Variants in PCDHA9 observed in about 807,000 individuals in gnomAD.
The protein encoded by PCDHA9 is protocadherin alpha 9.
A neutral mutation model predicts 62.0 loss-of-function variants in PCDHA9; 62 were observed. That is an observed-to-expected ratio of 1.00 (90% CI 0.81 to 1.23). PCDHA9 has a LOEUF of 1.23. Among genes scored for constraint, PCDHA9 ranks in the 50% most tolerant of loss-of-function variants. The pLI is 0.00. For synonymous variants in PCDHA9, 557 were observed against 567.6 expected (o/e 0.98, Z 0.27); for missense variants, 1,205 against 1,249.8 (o/e 0.96, Z 0.54).
At chr5:140,876,473 G>C in intron 1 of PCDHA9, 7 of 1,614,038 alleles carry the variant, frequency 4.3e-6, no homozygotes, top group African/African-American at 2.7e-5. Flanking sequence ...GCAGGTCACA[G>C]CATGGTCCTG....
chr5:140,950,820 AG>A (rs1429119954), intron 1 of PCDHA9, among the ~76,000 whole-genome samples: 2 of 152,088 alleles, frequency 1.3e-5, no homozygotes, highest in Non-Finnish European at 2.9e-5. Context: ...GTAGGGTTAA[AG>A]TTTGGTCCTT....
At chr5:140,862,592 A>T (rs1554156626) in intron 1 of PCDHA9, 1 of 507,612 alleles carries the variant, frequency 2.0e-6, no homozygotes, top group Non-Finnish European at 4.0e-6. Context: ...CAGCCCGAGT[A>T]CATGGTGTTC....
Position 140,848,482 on chromosome 5 carries a change from A to G in PCDHA9, c.-14A>G, listed in dbSNP as rs1562444784. ...GGCAATTTTCACTAATTAGAAGAAG[A>G]CTGAGTATTTGAAATGTTATACTCA... On this transcript the variant is annotated 5_prime_UTR_variant, in exon 1 of 4. Transcript: ENST00000532602. 3 of 1,569,886 alleles carry G rather than the reference A, an allele frequency of 1.9e-6. 1 individual carries two copies. In the African/African-American group the frequency reaches 4.1e-5, roughly 21 times the overall value.
chr5:140,885,873 T>A (rs1365119411), intron 1 of PCDHA9, among the ~76,000 whole-genome samples: 3 of 152,154 alleles, frequency 2.0e-5, no homozygotes, highest in Admixed American at 6.5e-5. Flanking sequence ...TGAAAAAAAA[T>A]TTTTAGTTTC....
rs189094380 is a variant in PCDHA9 at position 140,918,016 on chromosome 5, T to C, written c.2395-60933T>C. Among the ~76,000 whole-genome samples the C allele has an allele frequency of 1.3e-4, 20 of 152,344 alleles. No individual in the cohort carries two copies. The East Asian group carries it at 3.9e-3, about 29-fold the overall frequency. ...TTATCTTAACAATGTTGTTTCTTCC[T>C]ACCCATGAGCGTGGAAGGTCTTTCC... On this transcript the variant is annotated intron_variant, in intron 1 of 3. Transcript: ENST00000532602.
At chr5:140,882,279 C>A (rs1456228410) in intron 1 of PCDHA9, 1 of 1,612,386 alleles carries the variant, frequency 6.2e-7, no homozygotes, top group Non-Finnish European at 8.5e-7. Context: ...ATGCTGTCTT[C>A]CTGGCAAGGA....
intron 1 of PCDHA9, chr5:140,855,987 T>A: frequency 1.4e-6 from 2 of 1,480,818 alleles, no homozygotes; most frequent in Non-Finnish European, 1.8e-6. Flanking sequence ...ACAGAAAATG[T>A]CAGATCGTAT....
At chr5:140,870,956 G>A (rs1554164932) in intron 1 of PCDHA9, 1 of 1,613,634 alleles carries the variant, frequency 6.2e-7, no homozygotes, top group Non-Finnish European at 8.5e-7. Context: ...GGCGGCTCGC[G>A]CATCCCGTTC....
At chr5:140,854,418 TA>T (rs1235351713) in intron 1 of PCDHA9, 1 of 151,722 alleles carries the variant, frequency 6.6e-6, no homozygotes, top group Non-Finnish European at 1.5e-5. Flanking sequence ...AAGTAATCTC[TA>T]AAATCAGAAT....
At chr5:140,914,248 G>T (rs1228200797) in intron 1 of PCDHA9, among the ~76,000 whole-genome samples, 1 of 151,850 alleles carries the variant, frequency 6.6e-6, no homozygotes, top group Non-Finnish European at 1.5e-5. Flanking sequence ...TTTATATCTG[G>T]GTGCTTCAAT....
chr5:140,971,452 T>G (rs1554233345), intron 1 of PCDHA9, among the ~76,000 whole-genome samples: 1 of 152,088 alleles, frequency 6.6e-6, no homozygotes, highest in Admixed American at 6.5e-5. Context: ...CTCCAGAAAT[T>G]TTTGCAGTTA....
chr5:140,926,349 G>A (rs1405832516), intron 1 of PCDHA9: 2 of 152,260 alleles, frequency 1.3e-5, no homozygotes, highest in Admixed American at 1.3e-4. Flanking sequence ...CCCGACGCGC[G>A]GCTCCCAAAG....
chr5:140,928,132 C>T (rs1563101702), intron 1 of PCDHA9: 1 of 1,614,100 alleles, frequency 6.2e-7, no homozygotes, highest in Non-Finnish European at 8.5e-7. Flanking sequence ...ATACCAAGTC[C>T]TGATCACGGC....
At chr5:140,895,036 A>T (rs1207978693) in intron 1 of PCDHA9, among the ~76,000 whole-genome samples, 1 of 151,998 alleles carries the variant, frequency 6.6e-6, no homozygotes, top group Non-Finnish European at 1.5e-5. Flanking sequence ...ATTGTCCCCC[A>T]CCCACACCAT....
chr5:140,884,441 GCACCGCCCACCGAGGGC>G (rs782266354), intron 1 of PCDHA9: 1 of 1,613,812 alleles, frequency 6.2e-7, no homozygotes, highest in Non-Finnish European at 8.5e-7. Flanking sequence ...GCGGTGCTCG[GCACCGCCCACCGAGGGC>G]GCGTGCGCGC....
rs1343958164 is a variant in PCDHA9, at chr5:140,848,650, T to C, written c.155T>C (p.Leu52Pro). ...TTCGTGGGCCGCATCGCGCAGGACC[T>C]GGGGCTGGAGCTGGCGGAGCTGGTG... ...GTFVGRIAQDLGLELAELVPR... is the reference protein window; with the variant it reads ...GTFVGRIAQDPGLELAELVPR... The change falls in exon 1 of 4, where the codon CTG (leucine) becomes CCG (proline). Residue 52 changes from leucine to proline, a missense_variant. Leu to Pro is a moderately conservative substitution (Grantham distance 98, BLOSUM62 -3). Coordinates refer to ENST00000532602, the MANE Select transcript of PCDHA9 (RefSeq NM_031857.2). The C allele has an allele frequency of 6.3e-6, 10 of 1,592,776 alleles. No homozygotes were observed. The highest frequency in any genetic ancestry group is 8.6e-6 in the Non-Finnish European group (10 of 1,163,764).
intron 1 of PCDHA9, among the ~76,000 whole-genome samples, chr5:140,872,454 C>T (rs1410815153): frequency 1.3e-5 from 2 of 152,062 alleles, no homozygotes; most frequent in Non-Finnish European, 2.9e-5. Context: ...TAGCGAGATC[C>T]TGTCTCTATA....
intron 1 of PCDHA9, among the ~76,000 whole-genome samples, chr5:140,896,536 C>CT (rs34213614): frequency 0.32 from 46,252 of 145,528 alleles, 7,425 homozygotes; most frequent in East Asian, 0.53. Flanking sequence ...AGCTATTTTT[C>CT]TTTTTTTTTT....
intron 3 of PCDHA9, among the ~76,000 whole-genome samples, chr5:140,995,110 C>T (rs1047046754): frequency 4.6e-5 from 7 of 152,198 alleles, no homozygotes; most frequent in Non-Finnish European, 7.3e-5. Flanking sequence ...TTCCAAGACC[C>T]TCAGTGGATG....
Sources: allele counts gnomAD v4.1 joint callset (sites outside exome capture counted in the v4.1 genomes callset), GRCh38; gene constraint gnomAD v4.1.1; transcripts MANE v1.5; gene names NCBI Gene and HGNC (gene_info 2026-07-23, HGNC 2026-07-21).